The following MPDZ variants were observed in gnomAD, a reference collection of about 807,000 sequenced individuals.
MPDZ encodes the protein multiple PDZ domain crumbs cell polarity complex component.
A neutral mutation model predicts 239.1 loss-of-function variants in MPDZ; 234 were observed. The observed-to-expected ratio is 0.98, with a 90% CI of 0.88 to 1.09. The LOEUF is 1.09. Ranked by LOEUF, MPDZ falls within the 50% of genes least tolerant of loss-of-function variation. The pLI is 0.00. For synonymous variants in MPDZ, 1,048 were observed against 881.3 expected, an observed-to-expected ratio of 1.19 and a Z score of -3.35; for missense variants, 3,175 against 2,510.0, an observed-to-expected ratio of 1.26 and a Z score of -5.66.
chr9:13,110,116 G>T (rs1942195182), intron 44 of MPDZ, 52 bp from the exon 45 acceptor site: 7 of 1,344,430 alleles, frequency 5.2e-6, no homozygotes, highest in South Asian at 1.3e-5. Flanking sequence ...TGTGGCTAGG[G>T]AAAGTAATTT....
chr9:13,272,700 T>TAA (rs539786957), intron 1 of MPDZ, among the ~76,000 whole-genome samples: 971 of 78,514 alleles, frequency 0.012, 12 homozygotes, highest in African/African-American at 0.034. Flanking sequence ...CTGTTCCTAC[T>TAA]AAAAAAAAAA....
intron 26 of MPDZ, among the ~76,000 whole-genome samples, chr9:13,146,045 T>C (rs1454148480): frequency 2.0e-5 from 3 of 152,054 alleles, no homozygotes; most frequent in African/African-American, 7.2e-5. Flanking sequence ...TGTAAAAGGA[T>C]TTATAGTTAT....
chr9:13,243,981 T>A (rs1173787705), intron 3 of MPDZ, among the ~76,000 whole-genome samples: 3 of 152,226 alleles, frequency 2.0e-5, no homozygotes, highest in Admixed American at 2.0e-4. Context: ...CTGAGTCATC[T>A]ACATTATTTC....
intron 8 of MPDZ, 38 bp from the exon 9 acceptor site, chr9:13,217,332 G>GT: frequency 5.4e-6 from 7 of 1,306,494 alleles, no homozygotes; most frequent in African/African-American, 1.5e-5. Flanking sequence ...GAAATAATAC[G>GT]TAAAAAAAAC....
chr9:13,273,481 C>G (rs1973483032), intron 1 of MPDZ, among the ~76,000 whole-genome samples: 3 of 151,984 alleles, frequency 2.0e-5, no homozygotes, highest in Admixed American at 2.0e-4. Flanking sequence ...GTGAAATTAA[C>G]AATATAGTGA....
intron 34 of MPDZ, 114 bp downstream of exon 34, chr9:13,126,402 G>A: frequency 1.7e-6 from 1 of 585,014 alleles, no homozygotes. Flanking sequence ...TTTTCCTTAA[G>A]AACATGTCTA....
chr9:13,180,294 T>A (rs894772237), intron 19 of MPDZ, among the ~76,000 whole-genome samples: 1 of 152,180 alleles, frequency 6.6e-6, no homozygotes, highest in Non-Finnish European at 1.5e-5. Context: ...TGAGTTGACG[T>A]ACAAGGTGCA....
chr9:13,187,762 G>GAAA (rs34307097), intron 17 of MPDZ, among the ~76,000 whole-genome samples: 11 of 152,034 alleles, frequency 7.2e-5, no homozygotes, highest in Admixed American at 7.2e-4. Flanking sequence ...ATTTTCTTAA[G>GAAA]ACTTCAAACT....
intron 38 of MPDZ, chr9:13,120,293 T>C (rs534227541): frequency 5.3e-5 from 8 of 152,064 alleles, no homozygotes; most frequent in African/African-American, 1.9e-4. Context: ...AAGATAACCA[T>C]AAATAGAAAT....
chr9:13,147,515 G>C, intron 26 of MPDZ, 33 bp downstream of exon 26: 1 of 1,504,108 alleles, frequency 6.6e-7, no homozygotes, highest in South Asian at 1.1e-5. Flanking sequence ...ACACTGTTTG[G>C]ATATGCCTAC....
At chr9:13,173,957 T>C (rs1042207569) in intron 21 of MPDZ, among the ~76,000 whole-genome samples, 1 of 152,142 alleles carries the variant, frequency 6.6e-6, no homozygotes, top group Non-Finnish European at 1.5e-5. Context: ...TTGTCTCCCA[T>C]TTATCCTTCC....
At chr9:13,192,747 G>T (rs956614150) in intron 14 of MPDZ, among the ~76,000 whole-genome samples, 1 of 152,034 alleles carries the variant, frequency 6.6e-6, no homozygotes, top group African/African-American at 2.4e-5. Flanking sequence ...TAAAAATACT[G>T]GCAGATTACA....
chr9:13,150,531 G>T lies in MPDZ; in HGVS notation c.3610C>A (p.Pro1204Thr), dbSNP rs746294276. ...GGTACCTCTACGATTCTATCTCCAG[G>T]TTTCAAGGTTCCATTTTTGCCAGCT... ...SPAGKNGTLK[P>T]GDRIVEVDGM... The change falls in exon 25 of 47, where the codon CCT (proline) becomes ACT (threonine). Residue 1204 changes from proline (P) to threonine (T), a missense_variant. Pro to Thr is a conservative substitution (Grantham distance 38, BLOSUM62 -1). Transcript: ENST00000319217. 6.4e-7 allele frequency: 1 copy of T among 1,569,394 alleles called. No individual in the cohort carries two copies. The highest frequency in any genetic ancestry group is 1.2e-5 in the South Asian group (1 of 82,690).
rs1365251175 is a variant in MPDZ, at chr9:13,279,412, G to A, written c.-70C>T. 6.8e-6 allele frequency: 1 copy of A among 146,954 alleles called. No homozygotes were observed. The highest frequency in any genetic ancestry group is 2.5e-5 in the African/African-American group (1 of 40,680). The allele number at this position is 146,954 out of a possible 1,614,324, so 9.1% of individuals were successfully genotyped here. A position where few individuals can be genotyped will look rare whatever the true frequency, so the allele number is the denominator to read the frequency against. On this transcript the variant is annotated 5_prime_UTR_variant, in exon 1 of 47. Coordinates refer to ENST00000319217, the MANE Select transcript of MPDZ (RefSeq NM_001378778.1). ...AAGCGCCGCTTACCCGGCTCGCGGC[G>A]CCCGCCCAGGGCCGCGACGCGAGGG...
chr9:13,180,520 T>C (rs112047424), intron 19 of MPDZ, among the ~76,000 whole-genome samples: 11 of 152,192 alleles, frequency 7.2e-5, no homozygotes, highest in Admixed American at 2.0e-4. Flanking sequence ...TAAATCTTTA[T>C]CCATTGTATT....
intron 20 of MPDZ, 113 bp from the exon 21 acceptor site, chr9:13,175,988 C>T (rs1331674): frequency 0.28 from 400,750 of 1,432,966 alleles, 58,791 homozygotes; most frequent in East Asian, 0.49. Context: ...TTTGCAAGAA[C>T]CTGCAACCAA....
chr9:13,245,383 G>C (rs1966358889), intron 3 of MPDZ, among the ~76,000 whole-genome samples: 1 of 150,464 alleles, frequency 6.6e-6, no homozygotes, highest in South Asian at 2.1e-4. Flanking sequence ...GAAAATTCTT[G>C]GCATCTAGGG....
At chr9:13,208,776 A>G (rs1016087634) in intron 10 of MPDZ, among the ~76,000 whole-genome samples, 1 of 151,996 alleles carries the variant, frequency 6.6e-6, no homozygotes, top group Non-Finnish European at 1.5e-5. Context: ...TCAAAAATCC[A>G]GAAACCTCTG....
At chr9:13,262,891 T>C (rs2138827530) in intron 1 of MPDZ, among the ~76,000 whole-genome samples, 1 of 152,280 alleles carries the variant, frequency 6.6e-6, no homozygotes, top group African/African-American at 2.4e-5. Flanking sequence ...CATAAAAATA[T>C]GTATATACAT....
Sources: gnomAD v4.1 joint callset for allele counts (sites outside exome capture counted in the v4.1 genomes callset) on GRCh38, gnomAD v4.1.1 for gene constraint, MANE v1.5 for transcripts, NCBI Gene and HGNC (gene_info 2026-07-23, HGNC 2026-07-21) for gene names.